The following KCNG3 variants were observed in gnomAD, a reference collection of about 807,000 sequenced individuals.
The protein encoded by KCNG3 is voltage-gated potassium channel regulatory subunit KCNG3.
KCNG3 carries 15 observed loss-of-function variants against 29.0 expected under a neutral mutation model. The observed-to-expected ratio is 0.52, with a 90% CI of 0.35 to 0.80. The LOEUF (loss-of-function observed/expected upper bound fraction) is 0.80. Among genes scored for constraint, KCNG3 ranks in the 30% least tolerant of loss-of-function variants. The pLI, the probability that KCNG3 is intolerant of heterozygous loss-of-function variation, is 0.01. For missense variants in KCNG3, 512 were observed against 605.7 expected, an observed-to-expected ratio of 0.85 and a Z score of 1.62; for synonymous variants, 322 against 248.9, an observed-to-expected ratio of 1.29 and a Z score of -2.76.
intron 1 of KCNG3, among the ~76,000 whole-genome samples, chr2:42,483,482 G>C (rs919507458): frequency 6.6e-6 from 1 of 152,204 alleles, no homozygotes; most frequent in Non-Finnish European, 1.5e-5. Context: ...TTTCTCAGCA[G>C]AGTAGAGTGG....
intron 1 of KCNG3, among the ~76,000 whole-genome samples, chr2:42,459,706 G>C (rs781312056): frequency 3.9e-5 from 6 of 152,222 alleles, no homozygotes; most frequent in Non-Finnish European, 8.8e-5. Context: ...GCCGGGCGTG[G>C]TGGCTCACGC....
the KCNG3 span, among the ~76,000 whole-genome samples, chr2:42,405,370 A>G: frequency 1.3e-5 from 2 of 150,258 alleles, no homozygotes; most frequent in African/African-American, 4.9e-5. Context: ...TGTTTCATCA[A>G]TTTGTGGTTT....
the KCNG3 span, among the ~76,000 whole-genome samples, chr2:42,427,033 A>C: frequency 6.6e-6 from 1 of 152,226 alleles, no homozygotes; most frequent in African/African-American, 2.4e-5. Flanking sequence ...ACTCTTCTCA[A>C]AGTTCTTATA....
chr2:42,445,417 T>G (rs1411770930), intron 1 of KCNG3, among the ~76,000 whole-genome samples: 3 of 152,058 alleles, frequency 2.0e-5, no homozygotes, highest in Non-Finnish European at 2.9e-5. Context: ...CCAATAGGCT[T>G]GTATGGGAGA....
chr2:42,423,268 T>C, the KCNG3 span, among the ~76,000 whole-genome samples: 3 of 152,226 alleles, frequency 2.0e-5, no homozygotes, highest in East Asian at 3.8e-4. Flanking sequence ...ACCACAGTAA[T>C]TCCCTAATGG....
chr2:42,433,815 T>C, the KCNG3 span, among the ~76,000 whole-genome samples: 1 of 152,116 alleles, frequency 6.6e-6, no homozygotes, highest in Admixed American at 6.5e-5. Flanking sequence ...AAAGGTAATT[T>C]CTTCTCTTTT....
At position 42,478,091 on chromosome 2, in the gene KCNG3, T is replaced by C. The variant is rs145091158; in HGVS notation, c.665+14746A>G. Among the ~76,000 whole-genome samples the C allele has an allele frequency of 2.6e-4, 39 of 152,176 alleles. 1 individual carries two copies. The East Asian group carries it at 7.5e-3, about 29-fold the overall frequency. On this transcript the variant is annotated intron_variant, in intron 1 of 1. Coordinates refer to ENST00000306078, the MANE Select transcript of KCNG3 (RefSeq NM_133329.6). ...CTTGTTATAGGTGTCCACATTGAAG[T>C]TGAGGACTTGGAAACTGGTTGCCTT...
At chr2:42,432,934 T>TAAAAAAAAAAA in the KCNG3 span, among the ~76,000 whole-genome samples, 65 of 132,688 alleles carry the variant, frequency 4.9e-4, no homozygotes, top group Non-Finnish European at 8.3e-4. Flanking sequence ...GCTTTTATGA[T>TAAAAAAAAAAA]AAAAAAAAAA....
chr2:42,389,551 T>C, the KCNG3 span, among the ~76,000 whole-genome samples: 1 of 152,224 alleles, frequency 6.6e-6, no homozygotes, highest in African/African-American at 2.4e-5. Flanking sequence ...CTTCACTTTT[T>C]CAAGAATAAA....
the KCNG3 span, among the ~76,000 whole-genome samples, chr2:42,424,630 G>A: frequency 2.0e-5 from 3 of 152,038 alleles, no homozygotes; most frequent in Non-Finnish European, 4.4e-5. Context: ...ATATAAAGAA[G>A]AACTCAAATG....
At chr2:42,461,191 A>C (rs868715653) in intron 1 of KCNG3, among the ~76,000 whole-genome samples, 162 of 148,502 alleles carry the variant, frequency 1.1e-3, no homozygotes, top group South Asian at 5.3e-3. Context: ...ACAAAAAAAA[A>C]AAAAAAAAAA....
chr2:42,482,205 G>A (rs1036879805), intron 1 of KCNG3, among the ~76,000 whole-genome samples: 8 of 152,144 alleles, frequency 5.3e-5, no homozygotes, highest in African/African-American at 1.9e-4. Context: ...ATACATAGTC[G>A]GTGCTCAATA....
chr2:42,473,508 CCTGA>C (rs534001828), intron 1 of KCNG3, among the ~76,000 whole-genome samples: 8 of 152,078 alleles, frequency 5.3e-5, no homozygotes, highest in Admixed American at 3.9e-4. Flanking sequence ...CACCACCATG[CCTGA>C]CTAATTTTTG....
the KCNG3 span, among the ~76,000 whole-genome samples, chr2:42,432,893 C>G: frequency 6.7e-6 from 1 of 150,370 alleles, no homozygotes. Flanking sequence ...CGAAGTCTGT[C>G]CATTTCTTCA....
the KCNG3 span, among the ~76,000 whole-genome samples, chr2:42,412,213 C>T: frequency 6.6e-6 from 1 of 152,200 alleles, no homozygotes; most frequent in Non-Finnish European, 1.5e-5. Context: ...CCACGACAGT[C>T]CTCAACTTTA....
intron 1 of KCNG3, among the ~76,000 whole-genome samples, chr2:42,492,299 T>C (rs1439379087): frequency 6.6e-6 from 1 of 152,222 alleles, no homozygotes; most frequent in Non-Finnish European, 1.5e-5. Context: ...ATCCATTATT[T>C]AGAGTCTATC....
At chr2:42,489,187 G>A (rs59445157) in intron 1 of KCNG3, among the ~76,000 whole-genome samples, 7 of 151,658 alleles carry the variant, frequency 4.6e-5, no homozygotes, top group African/African-American at 1.2e-4. Flanking sequence ...GATTACAGGC[G>A]TGAGCCACCA....
chr2:42,465,126 C>T (rs1024485526), intron 1 of KCNG3, among the ~76,000 whole-genome samples: 1 of 151,974 alleles, frequency 6.6e-6, no homozygotes, highest in Non-Finnish European at 1.5e-5. Context: ...TCATACCACA[C>T]ACAAAAATTA....
At chr2:42,452,679 G>C (rs1199735401) in intron 1 of KCNG3, among the ~76,000 whole-genome samples, 1 of 152,060 alleles carries the variant, frequency 6.6e-6, no homozygotes, top group Admixed American at 6.6e-5. Flanking sequence ...CCAGTTCCAT[G>C]TTGTTGCAAA....
Sources: allele counts gnomAD v4.1 joint callset (sites outside exome capture counted in the v4.1 genomes callset), GRCh38; gene constraint gnomAD v4.1.1; transcripts MANE v1.5; gene names NCBI Gene and HGNC (gene_info 2026-07-23, HGNC 2026-07-21).